ZNF536: variants seen among roughly 807,000 people sequenced by gnomAD.
ZNF536 encodes the protein zinc finger protein 536.
Under a neutral mutation model 84.5 loss-of-function variants are expected in ZNF536, and 13 were observed. The ratio of observed to expected loss-of-function variants is 0.15; its 90% CI spans 0.10 to 0.24. The LOEUF is 0.24. Among genes scored for constraint, ZNF536 ranks in the 10% least tolerant of loss-of-function variants. The pLI is 1.00. For missense variants in ZNF536, 1,536 were observed against 1,747.5 expected (o/e 0.88, Z 2.16); for synonymous variants, 811 against 742.5 (o/e 1.09, Z -1.50).
chr19:30,346,695 A>G (rs1333781307), intron 2 of ZNF536, among the ~76,000 whole-genome samples: 1 of 152,160 alleles, frequency 6.6e-6, no homozygotes, highest in African/African-American at 2.4e-5. Flanking sequence ...TTATGGCTGC[A>G]TAGTATTCCA....
upstream of ZNF536, among the ~76,000 whole-genome samples, chr19:30,226,914 G>C (rs1368866962): frequency 6.6e-6 from 1 of 151,664 alleles, no homozygotes; most frequent in East Asian, 1.9e-4. The surrounding 1 kb of genome is among the most constrained non-coding windows in gnomAD (Gnocchi z 4.6). Context: ...TTTTCTGTTT[G>C]CTTCAAGACA....
rs115203536 is a variant in ZNF536 at position 30,426,734 on chromosome 19, T to A, written c.-2-16827T>A. On this transcript the variant is annotated intron_variant, in intron 1 of 4. Coordinates refer to ENST00000355537, the MANE Select transcript of ZNF536 (RefSeq NM_014717.3). Reference sequence around the variant, plus strand: ...AGGGTTGGTTCCTATACACAGGACATGATGTAATCAATGAGTCTGATTTCA... The same window carrying A: ...AGGGTTGGTTCCTATACACAGGACAAGATGTAATCAATGAGTCTGATTTCA... 2.7e-3 allele frequency among the ~76,000 whole-genome samples: 412 copies of A among 152,284 alleles called. 3 individuals are homozygous for A. Among genetic ancestry groups the A allele is most frequent in the African/African-American group, 9.2e-3 (382 of 41,548 alleles).
chr19:30,399,773 C>T (rs1045395413), intron 1 of ZNF536, among the ~76,000 whole-genome samples: 17 of 149,828 alleles, frequency 1.1e-4, no homozygotes, highest in Non-Finnish European at 2.2e-4. Flanking sequence ...CTGCAATCTC[C>T]GCCTCCCGGG....
intron 1 of ZNF536, among the ~76,000 whole-genome samples, chr19:30,231,937 T>C (rs1276208662): frequency 6.6e-6 from 1 of 152,148 alleles, no homozygotes; most frequent in Non-Finnish European, 1.5e-5. Context: ...GTTTGTAATG[T>C]ACATGTGTGT....
intron 1 of ZNF536, among the ~76,000 whole-genome samples, chr19:30,566,407 G>T (rs1397595300): frequency 1.3e-5 from 2 of 152,218 alleles, no homozygotes; most frequent in African/African-American, 2.4e-5. Flanking sequence ...TTCCTCTGTG[G>T]CAAGTCCTGT....
At chr19:30,376,538 T>G (rs1014917547) in intron 1 of ZNF536, among the ~76,000 whole-genome samples, 1 of 152,196 alleles carries the variant, frequency 6.6e-6, no homozygotes, top group Non-Finnish European at 1.5e-5. Context: ...TCCGTGGGTC[T>G]GGGCAGGGCA....
chr19:30,582,296 C>T (rs1048795850), intron 1 of ZNF536, among the ~76,000 whole-genome samples: 2 of 150,926 alleles, frequency 1.3e-5, no homozygotes, highest in African/African-American at 4.9e-5. Flanking sequence ...ACTGCTCACA[C>T]AGTTGAAAAC....
chr19:30,538,392 A>T (rs2045181497), intron 3 of ZNF536, among the ~76,000 whole-genome samples: 1 of 152,204 alleles, frequency 6.6e-6, no homozygotes, highest in Admixed American at 6.5e-5. Flanking sequence ...GTCCGACTGC[A>T]TCTTTATTGG....
intron 3 of ZNF536, among the ~76,000 whole-genome samples, chr19:30,541,180 C>G (rs2045316147): frequency 6.6e-6 from 1 of 152,190 alleles, no homozygotes; most frequent in Non-Finnish European, 1.5e-5. Flanking sequence ...CCAGCCGGCC[C>G]CATCCAGGTG....
At chr19:30,545,374 C>A (rs1475162761) in intron 3 of ZNF536, among the ~76,000 whole-genome samples, 1 of 142,850 alleles carries the variant, frequency 7.0e-6, no homozygotes, top group African/African-American at 2.6e-5. Context: ...GTACTACCCG[C>A]TCCCATATGT....
intron 1 of ZNF536, among the ~76,000 whole-genome samples, chr19:30,601,746 C>T (rs988654074): frequency 2.6e-5 from 4 of 152,144 alleles, no homozygotes; most frequent in African/African-American, 9.7e-5. Context: ...AAGACAGTTT[C>T]CTGGGCAAGG....
rs377642821 is a variant in ZNF536, at chr19:30,548,756, G to C, written c.3137G>C (p.Arg1046Pro). 6.2e-7 allele frequency: 1 copy of C among 1,613,894 alleles called. No individual in the cohort carries two copies. Among genetic ancestry groups the C allele is most frequent in the Non-Finnish European group, 8.5e-7 (1 of 1,180,022 alleles). The change falls in exon 4 of 5, where the codon CGG becomes CCG. Residue 1046 changes from arginine (R) to proline (P), a missense_variant. Physicochemically the swap from Arg to Pro is moderately radical, Grantham distance 103. Around this residue, in one of 8 missense-constraint regions of ZNF536, gnomAD observed 624 missense variants for 603.1 expected, o/e 1.03. Transcript: ENST00000355537. ...GVTVNCKDQA[R>P]EASKMALLPS... Reference sequence around the variant, plus strand: ...ACAGTCAACTGCAAAGACCAAGCCCGGGAGGCGAGTAAGATGGCCCTGCTG... The same window carrying C: ...ACAGTCAACTGCAAAGACCAAGCCCCGGAGGCGAGTAAGATGGCCCTGCTG...
chr19:30,315,196 A>G (rs554728535), intron 2 of ZNF536, among the ~76,000 whole-genome samples: 1 of 152,318 alleles, frequency 6.6e-6, no homozygotes, highest in African/African-American at 2.4e-5. Flanking sequence ...ACAAATATGC[A>G]TTGATGGGGA....
chr19:30,635,148 G>A lies in ZNF536; in HGVS notation c.170-75609G>A, dbSNP rs143183990. 2.2e-4 allele frequency among the ~76,000 whole-genome samples: 34 copies of A among 152,114 alleles called. 1 individual carries two copies. In the East Asian group the frequency reaches 4.9e-3, roughly 22 times the overall value. On this transcript the variant is annotated intron_variant, in intron 1 of 1. Transcript: ENST00000592773. ...ACATACCATATCCCCATGCACATTC[G>A]GCTGGTGTCCTTGTCTGGTTTGCCA... is the stretch of plus-strand genomic sequence containing the variant.
chr19:30,475,336 G>A (rs1021332564), intron 2 of ZNF536, among the ~76,000 whole-genome samples: 3 of 152,122 alleles, frequency 2.0e-5, no homozygotes, highest in Admixed American at 1.3e-4. Flanking sequence ...GGTCATGGTG[G>A]CTCACGTCTA....
At chr19:30,690,439 G>A (rs1159734377) in intron 1 of ZNF536, among the ~76,000 whole-genome samples, 7 of 152,154 alleles carry the variant, frequency 4.6e-5, no homozygotes, top group Admixed American at 4.6e-4. Flanking sequence ...TCACATTCAG[G>A]TCGAGTCTCT....
intron 1 of ZNF536, among the ~76,000 whole-genome samples, chr19:30,265,066 T>G (rs2025441004): frequency 6.6e-6 from 1 of 152,064 alleles, no homozygotes; most frequent in African/African-American, 2.4e-5. Flanking sequence ...AGCTCTGCCT[T>G]CTGTGAGCTG....
chr19:30,298,259 C>T (rs1260556304), intron 2 of ZNF536, among the ~76,000 whole-genome samples: 1 of 152,090 alleles, frequency 6.6e-6, no homozygotes, highest in Non-Finnish European at 1.5e-5. Flanking sequence ...TCCAGGTGCC[C>T]ATTAGAAATT....
At chr19:30,237,139 A>G (rs1384120758) in intron 1 of ZNF536, among the ~76,000 whole-genome samples, 1 of 151,326 alleles carries the variant, frequency 6.6e-6, no homozygotes, top group African/African-American at 2.4e-5. Context: ...GGACAGCAGG[A>G]GTCTGTTGTT....
Sources: gnomAD v4.1 joint callset for allele counts (sites outside exome capture counted in the v4.1 genomes callset) on GRCh38, gnomAD v4.1.1 for gene constraint, gnomAD v4.1.1 regional missense constraint, Gnocchi (gnomAD v3.1) non-coding constraint, MANE v1.5 for transcripts, NCBI Gene and HGNC (gene_info 2026-07-23, HGNC 2026-07-21) for gene names.